CLASP1: variants seen among roughly 807,000 people sequenced by gnomAD.
CLASP1 encodes the protein cytoplasmic linker associated protein 1.
A neutral mutation model predicts 192.3 loss-of-function variants in CLASP1; 38 were observed. That is an observed-to-expected ratio of 0.20 (90% CI 0.15 to 0.26). The LOEUF (loss-of-function observed/expected upper bound fraction) is 0.26, where lower values mean the gene tolerates loss of function less well. Among genes scored for constraint, CLASP1 ranks in the 10% least tolerant of loss-of-function variants. The probability of loss-of-function intolerance (pLI) is 1.00; values close to 1 mark genes in which losing one functional copy is unlikely to be tolerated. For missense variants in CLASP1, 1,433 were observed against 1,932.5 expected, an observed-to-expected ratio of 0.74 and a Z score of 4.85; for synonymous variants, 691 against 712.8, an observed-to-expected ratio of 0.97 and a Z score of 0.49.
At chr2:121,446,360 G>A (rs1443479767) in intron 19 of CLASP1, among the ~76,000 whole-genome samples, 1 of 152,176 alleles carries the variant, frequency 6.6e-6, no homozygotes, top group Non-Finnish European at 1.5e-5. Context: ...GCCTACTCCA[G>A]GTCACAGAGC....
intron 19 of CLASP1, among the ~76,000 whole-genome samples, chr2:121,441,472 T>A (rs965173623): frequency 1.3e-5 from 2 of 152,188 alleles, no homozygotes; most frequent in Non-Finnish European, 2.9e-5. Flanking sequence ...ACGCCTGTAA[T>A]CCCAGCACTT....
intron 37 of CLASP1, among the ~76,000 whole-genome samples, chr2:121,361,710 AC>A (rs1220727613): frequency 2.0e-5 from 3 of 152,164 alleles, no homozygotes; most frequent in Non-Finnish European, 2.9e-5. Flanking sequence ...CTGCTCTAGG[AC>A]CTTCCCTCCT....
intron 2 of CLASP1, among the ~76,000 whole-genome samples, chr2:121,597,600 T>C (rs2063290364): frequency 6.6e-6 from 1 of 152,194 alleles, no homozygotes; most frequent in African/African-American, 2.4e-5. Context: ...AATAGTCTCA[T>C]GTTAGTTCAC....
chr2:121,351,276 G>C (rs1436594642), intron 37 of CLASP1, among the ~76,000 whole-genome samples: 1 of 152,220 alleles, frequency 6.6e-6, no homozygotes, highest in Admixed American at 6.5e-5. Context: ...CTCCCTATCA[G>C]ACCAGTGACA....
At chr2:121,435,979 T>C (rs970356101) in intron 19 of CLASP1, among the ~76,000 whole-genome samples, 3 of 152,130 alleles carry the variant, frequency 2.0e-5, no homozygotes, top group African/African-American at 7.2e-5. Flanking sequence ...CTTTCCTTTG[T>C]AGGTAGTTTC....
chr2:121,600,187 A>C (rs1305383919), intron 2 of CLASP1, among the ~76,000 whole-genome samples: 2 of 152,142 alleles, frequency 1.3e-5, no homozygotes, highest in Non-Finnish European at 2.9e-5. Flanking sequence ...CACTCATGGA[A>C]CCAGTATTTG....
intron 16 of CLASP1, 66 bp from the exon 17 acceptor site, chr2:121,449,186 G>A (rs2084933756): frequency 7.1e-7 from 1 of 1,411,170 alleles, no homozygotes; most frequent in Admixed American, 1.9e-5. Context: ...CTGAACTCTG[G>A]AGTACACCAC....
intron 2 of CLASP1, among the ~76,000 whole-genome samples, chr2:121,552,761 C>T (rs1244177399): frequency 2.0e-5 from 3 of 152,210 alleles, no homozygotes; most frequent in African/African-American, 7.2e-5. Flanking sequence ...ATTAGTTAAA[C>T]CACTGTGGAG....
chr2:121,525,799 A>G (rs1422929656), intron 6 of CLASP1, 46 bp downstream of exon 6: 2 of 1,357,840 alleles, frequency 1.5e-6, no homozygotes, highest in African/African-American at 1.4e-5. Context: ...GCATCTCAAC[A>G]GTCTGTAAGC....
At chr2:121,478,509 G>C (rs532808865) in intron 8 of CLASP1, among the ~76,000 whole-genome samples, 2 of 152,030 alleles carry the variant, frequency 1.3e-5, no homozygotes, top group African/African-American at 4.8e-5. Context: ...GCTGAGGCAG[G>C]AGGATCGCCT....
chr2:121,439,714 G>A (rs1289091412), intron 19 of CLASP1, among the ~76,000 whole-genome samples: 1 of 151,614 alleles, frequency 6.6e-6, no homozygotes, highest in Admixed American at 6.6e-5. Flanking sequence ...ACTGGATTAA[G>A]AAAATGTGGC....
intron 7 of CLASP1, among the ~76,000 whole-genome samples, chr2:121,507,897 TA>T (rs1448702448): frequency 6.6e-6 from 1 of 151,948 alleles, no homozygotes; most frequent in African/African-American, 2.4e-5. Context: ...GTTCTGAAAT[TA>T]AAAAAGACAA....
intron 9 of CLASP1, among the ~76,000 whole-genome samples, chr2:121,467,180 G>A (rs745750531): frequency 6.6e-6 from 1 of 152,182 alleles, no homozygotes; most frequent in Non-Finnish European, 1.5e-5. Flanking sequence ...TGGTATACAT[G>A]TACCACACTT....
At chr2:121,439,584 C>T (rs2082912592) in intron 19 of CLASP1, among the ~76,000 whole-genome samples, 1 of 151,876 alleles carries the variant, frequency 6.6e-6, no homozygotes. Context: ...CGTTATGTAC[C>T]CAGTAGTCAT....
intron 8 of CLASP1, among the ~76,000 whole-genome samples, chr2:121,476,482 G>A (rs2091621556): frequency 1.3e-5 from 2 of 152,210 alleles, no homozygotes; most frequent in South Asian, 4.1e-4. Context: ...GTAATTAGAA[G>A]CTTTGGGCCA....
intron 2 of CLASP1, among the ~76,000 whole-genome samples, chr2:121,584,005 G>A (rs1034058453): frequency 1.3e-5 from 2 of 152,118 alleles, no homozygotes; most frequent in Non-Finnish European, 2.9e-5. Flanking sequence ...TCCAGAGGAT[G>A]CAGCAACAAG....
chr2:121,418,842 G>A, intron 22 of CLASP1, 113 bp from the exon 23 acceptor site: 1 of 749,698 alleles, frequency 1.3e-6, no homozygotes, highest in Non-Finnish European at 2.3e-6. Flanking sequence ...TGTTCGCGCT[G>A]GGGAGTTCTG....
rs966732321 is a variant in CLASP1, at chr2:121,470,201, T to C, written c.713-241A>G. 1.8e-5 allele frequency: 10 copies of C among 551,354 alleles called. No homozygotes were observed. The Middle Eastern group carries it at 1.8e-3, about 101-fold the overall frequency. 34.2% of individuals were successfully genotyped at this position (551,354 alleles called of 1,614,324 possible). On this transcript the variant is annotated intron_variant, in intron 8 of 39. Coordinates refer to ENST00000263710, the Ensembl canonical transcript of CLASP1. ...ACTTTTGCACTCAAATTTTGAAAAATAGAACAAATATAAAGAAGAAAACAA... is the reference window on the plus strand; with the variant it reads ...ACTTTTGCACTCAAATTTTGAAAAACAGAACAAATATAAAGAAGAAAACAA...
intron 4 of CLASP1, 41 bp from the exon 5 acceptor site, chr2:121,527,931 C>A (rs757710521): frequency 2.3e-5 from 34 of 1,499,052 alleles, no homozygotes; most frequent in Admixed American, 3.4e-5. Flanking sequence ...GAGAAGACTG[C>A]TGCAGCTGAC....
Sources: allele counts gnomAD v4.1 joint callset (sites outside exome capture counted in the v4.1 genomes callset), GRCh38; gene constraint gnomAD v4.1.1; transcripts MANE v1.5; gene names NCBI Gene and HGNC (gene_info 2026-07-23, HGNC 2026-07-21).